EEF2K: variants seen among roughly 807,000 people sequenced by gnomAD.
EEF2K encodes alternative protein EEF2K.
Under a neutral mutation model 93.8 loss-of-function variants are expected in EEF2K, and 70 were observed. The observed-to-expected ratio is 0.75, with a 90% CI of 0.62 to 0.91. The LOEUF is 0.91. Among genes scored for constraint, EEF2K ranks in the 40% least tolerant of loss-of-function variants. The pLI is 0.00. For synonymous variants in EEF2K, 376 were observed against 380.8 expected (o/e 0.99, Z 0.15); for missense variants, 935 against 972.9 (o/e 0.96, Z 0.52).
rs148226813 is a variant in EEF2K, at chr16:22,255,802, C to T, written c.619-946C>T. 1.5e-4 allele frequency among the ~76,000 whole-genome samples: 23 copies of T among 152,068 alleles called. No homozygotes were observed. The East Asian group carries it at 3.5e-3, about 23-fold the overall frequency. ...ACACACGCCTGTAGTCCTAGCTTCT[C>T]GGGAGGCTGAGGTGGGAGGATCACT... On this transcript the variant is annotated intron_variant, in intron 6 of 17. Coordinates refer to ENST00000263026, the MANE Select transcript of EEF2K (RefSeq NM_013302.5).
chr16:22,282,293 A>G (rs770669120), intron 17 of EEF2K, among the ~76,000 whole-genome samples: 11 of 152,338 alleles, frequency 7.2e-5, no homozygotes, highest in Non-Finnish European at 1.5e-4. Context: ...TGTAGAAAAC[A>G]GCTTTCTCAC....
In EEF2K at chr16:22,251,288, G is replaced by T. The variant is rs2047348997; in HGVS notation, c.584G>T (p.Gly195Val). Reference sequence around the variant, plus strand: ...CTACAGATGGAGGCCAAGCTCTGGGGGGAGGAGTATAATCGGCACAAGCCC... The same window carrying T: ...CTACAGATGGAGGCCAAGCTCTGGGTGGAGGAGTATAATCGGCACAAGCCC... Reference protein sequence around the residue: ...VRLQMEAKLWGEEYNRHKPPK... With the variant: ...VRLQMEAKLWVEEYNRHKPPK... Residue 195 changes from glycine (G) to valine (V), a missense_variant, in exon 6 of 18, where the codon GGG becomes GTG. Coordinates refer to ENST00000263026, the MANE Select transcript of EEF2K (RefSeq NM_013302.5). 1 of 1,614,052 alleles carries T rather than the reference G, an allele frequency of 6.2e-7. No homozygotes were observed. Among genetic ancestry groups the T allele is most frequent in the South Asian group, 1.1e-5 (1 of 91,086 alleles).
intron 4 of EEF2K, 51 bp downstream of exon 4, chr16:22,248,866 G>A: frequency 6.3e-7 from 1 of 1,591,730 alleles, no homozygotes; most frequent in Non-Finnish European, 8.6e-7. Flanking sequence ...AAGACTTTCT[G>A]CAGCTAACTT....
intron 2 of EEF2K, among the ~76,000 whole-genome samples, chr16:22,231,801 C>G (rs2047117841): frequency 6.6e-6 from 1 of 151,544 alleles, no homozygotes; most frequent in Non-Finnish European, 1.5e-5. Context: ...ACCAGCCTGA[C>G]CTACATGGTG....
intron 15 of EEF2K, among the ~76,000 whole-genome samples, chr16:22,269,128 GA>G (rs1471953175): frequency 6.6e-6 from 1 of 152,148 alleles, no homozygotes; most frequent in Non-Finnish European, 1.5e-5. Context: ...TATAACAACA[GA>G]AATTTGTTCT....
intron 7 of EEF2K, 46 bp from the exon 8 acceptor site, chr16:22,257,207 C>CT (rs1198590479): frequency 5.0e-6 from 8 of 1,613,548 alleles, no homozygotes; most frequent in Non-Finnish European, 6.8e-6. Flanking sequence ...CTGCACAGAC[C>CT]TCAGCCTGTC....
rs2047764431 is a variant in EEF2K, at chr16:22,287,625, G to C, written c.*3629G>C. The C allele has an allele frequency of 6.6e-6, 1 of 152,116 alleles. No individual in the cohort carries two copies. Among genetic ancestry groups the C allele is most frequent in the Non-Finnish European group, 1.5e-5 (1 of 68,032 alleles). 9.4% of individuals were successfully genotyped at this position (152,116 alleles called of 1,614,324 possible). A position where few individuals can be genotyped will look rare whatever the true frequency, so the allele number is the denominator to read the frequency against. On this transcript the variant is annotated 3_prime_UTR_variant, in exon 18 of 18. Transcript: ENST00000263026. ...ATAAAATTTAAACTGGAGTTTAATG[G>C]CCCTTTCAGTTTTGCTATAGGCAAG... is the stretch of plus-strand genomic sequence containing the variant.
At position 22,286,029 on chromosome 16, in the gene EEF2K, C is replaced by T. The variant is rs931220964; in HGVS notation, c.*2033C>T. 3.3e-5 allele frequency: 5 copies of T among 152,082 alleles called. No homozygotes were observed. Among genetic ancestry groups the T allele is most frequent in the Non-Finnish European group, 7.4e-5 (5 of 68,018 alleles). The allele number at this position is 152,082 out of a possible 1,614,324, so 9.4% of individuals were successfully genotyped here. A position where few individuals can be genotyped will look rare whatever the true frequency, so the allele number is the denominator to read the frequency against. On this transcript the variant is annotated 3_prime_UTR_variant, in exon 18 of 18. Transcript: ENST00000263026. ...TGTTGACTGCTTTGGAGGCACAAACCCATGCAAGCGTTAGTTCCAAAGTTC... is the reference window on the plus strand; with the variant it reads ...TGTTGACTGCTTTGGAGGCACAAACTCATGCAAGCGTTAGTTCCAAAGTTC...
chr16:22,257,571 A>G lies in EEF2K; in HGVS notation c.902-72A>G, dbSNP rs1225358073. ...TTTTATACCTGCCCTGGCCATATGT[A>G]TGAGGCCCACCACTGCCTGTCCCCC... On this transcript the variant is annotated intron_variant, in intron 8 of 17. Transcript: ENST00000263026. 4.4e-6 allele frequency: 7 copies of G among 1,584,732 alleles called. No homozygotes were observed. The African/African-American group carries it at 8.0e-5, about 18-fold the overall frequency.
chr16:22,230,732 C>G (rs1453908566), intron 2 of EEF2K, among the ~76,000 whole-genome samples: 1 of 152,074 alleles, frequency 6.6e-6, no homozygotes, highest in Non-Finnish European at 1.5e-5. Flanking sequence ...TACTATGTTA[C>G]CCAGGCTAGT....
At position 22,239,366 on chromosome 16, in the gene EEF2K, C is replaced by T. The variant is rs144128571; in HGVS notation, c.247-5264C>T. Among the ~76,000 whole-genome samples, 120 of 152,160 alleles carry T rather than the reference C, an allele frequency of 7.9e-4. 1 individual carries two copies. The highest frequency in any genetic ancestry group is 2.9e-3 in the African/African-American group (119 of 41,516). On this transcript the variant is annotated intron_variant, in intron 2 of 17. Transcript: ENST00000263026. ...GAGGCACTGTCAGAGAATTGTGTGT[C>T]GTAGACAGAGAACAGGGCACCTGTA...
intron 6 of EEF2K, among the ~76,000 whole-genome samples, chr16:22,254,677 C>A (rs749714171): frequency 6.6e-6 from 1 of 152,136 alleles, no homozygotes; most frequent in African/African-American, 2.4e-5. Context: ...AAAAAAAATT[C>A]GGCAAGGAAT....
chr16:22,250,586 C>T (rs773025703), intron 4 of EEF2K, 68 bp from the exon 5 acceptor site: 180 of 1,602,142 alleles, frequency 1.1e-4, no homozygotes, highest in Non-Finnish European at 1.5e-4. Context: ...AAGGGGAGCA[C>T]CTCCTGTCTT....
Position 22,266,780 on chromosome 16 carries a change from G to C in EEF2K, c.1668G>C (p.Glu556Asp). The C allele has an allele frequency of 6.2e-7, 1 of 1,614,242 alleles. No homozygotes were observed. The highest frequency in any genetic ancestry group is 8.5e-7 in the Non-Finnish European group (1 of 1,180,048). ...WDQESAVFHL[E>D]HAANLGELEA... ...AGGAGTCGGCTGTCTTCCACCTGGA[G>C]CACGCAGCCAACCTGGGCGAGCTGG... The change falls in exon 15 of 18, where the codon GAG becomes GAC. Residue 556 changes from glutamate (E) to aspartate (D), a missense_variant. By Grantham distance (45) the Glu-to-Asp change is conservative. Coordinates refer to ENST00000263026, the MANE Select transcript of EEF2K (RefSeq NM_013302.5).
At chr16:22,258,765 C>A (rs2047434883) in intron 10 of EEF2K, 70 bp downstream of exon 10, 8 of 1,580,974 alleles carry the variant, frequency 5.1e-6, no homozygotes, top group Middle Eastern at 2.1e-4. Flanking sequence ...AACCAGCTTT[C>A]ATTTATGTTA....
chr16:22,280,485 T>G (rs991361146), intron 17 of EEF2K, 109 bp downstream of exon 17: 5 of 1,221,546 alleles, frequency 4.1e-6, no homozygotes, highest in Non-Finnish European at 5.3e-6. Context: ...CTGAATCTTC[T>G]TCCAGGGAGG....
At chr16:22,256,708 C>G in intron 6 of EEF2K, 40 bp from the exon 7 acceptor site, 1 of 1,601,520 alleles carries the variant, frequency 6.2e-7, no homozygotes, top group Non-Finnish European at 8.5e-7. Context: ...AGGAGGTGCG[C>G]CTGGGCCCTC....
chr16:22,270,920 A>G (rs1307137099), intron 15 of EEF2K, among the ~76,000 whole-genome samples: 1 of 148,340 alleles, frequency 6.7e-6, no homozygotes, highest in Non-Finnish European at 1.5e-5. Context: ...CTCTATATAT[A>G]TGTGTGTATA....
chr16:22,259,011 A>G (rs1039376069), intron 10 of EEF2K, among the ~76,000 whole-genome samples: 2 of 137,582 alleles, frequency 1.5e-5, no homozygotes, highest in African/African-American at 7.1e-5. Context: ...GTATTTGTGT[A>G]TAGAGAACAA....
Sources: allele counts gnomAD v4.1 joint callset (sites outside exome capture counted in the v4.1 genomes callset), GRCh38; gene constraint gnomAD v4.1.1; transcripts MANE v1.5; gene names NCBI Gene and HGNC (gene_info 2026-07-23, HGNC 2026-07-21).